The following KATNIP variants were observed in gnomAD, a reference collection of about 807,000 sequenced individuals.
KATNIP encodes the protein katanin interacting protein, also known as katanin-interacting protein.
A neutral mutation model predicts 174.0 loss-of-function variants in KATNIP; 126 were observed. That is an observed-to-expected ratio of 0.72 (90% confidence interval 0.63 to 0.84). The LOEUF is 0.84. KATNIP is among the 40% of genes least tolerant of loss of function. The pLI is 0.00. For missense variants in KATNIP, 1,958 were observed against 2,109.7 expected (o/e 0.93, Z 1.41); for synonymous variants, 810 against 835.7 (o/e 0.97, Z 0.53).
At chr16:27,643,575 AGT>A (rs1221424120) in intron 5 of KATNIP, among the ~76,000 whole-genome samples, 1 of 111,774 alleles carries the variant, frequency 8.9e-6, no homozygotes, top group Non-Finnish European at 1.7e-5. Context: ...TGGGTAACAG[AGT>A]GAGACTCTGT....
chr16:27,641,954 C>T lies in KATNIP; in HGVS notation c.409-6650C>T, dbSNP rs74019405. ...CTCCTCAGGCCTGGGCCCCGTGCCC[C>T]GTGGTCCCTCCTCCTTGCCCCTTCT... On this transcript the variant is annotated intron_variant, in intron 5 of 27. Transcript: ENST00000261588. Among the ~76,000 whole-genome samples the T allele has an allele frequency of 2.5e-3, 386 of 152,348 alleles. 2 individuals are homozygous for T. Among genetic ancestry groups the T allele is most frequent in the African/African-American group, 8.8e-3 (366 of 41,568 alleles).
At chr16:27,691,999 CCA>C (rs1239473701) in intron 8 of KATNIP, among the ~76,000 whole-genome samples, 1 of 152,152 alleles carries the variant, frequency 6.6e-6, no homozygotes, top group Non-Finnish European at 1.5e-5. Context: ...CATCCCAGCC[CCA>C]GACTGATGAG....
chr16:27,777,360 GTGCTAA>G lies in KATNIP; in HGVS notation c.4552-247_4552-242del, dbSNP rs2082535364. On this transcript the variant is annotated intron_variant, in intron 25 of 27. Transcript: ENST00000261588. This position sits in a 1 kb window ranked among gnomAD's most constrained non-coding sequence, Gnocchi z 4.4. ...AAGTTTGCCTCCAGCTCTGCCACTT[GTGCTAA>G]TGGTATTAAAGCCCCTCGGGCCTCA... 1.3e-5 allele frequency among the ~76,000 whole-genome samples: 2 copies of G among 152,200 alleles called. No individual in the cohort carries two copies. The highest frequency in any genetic ancestry group is 4.1e-4 in the South Asian group (2 of 4,828).
Position 27,693,415 on chromosome 16 carries a change from G to A in KATNIP, c.941-4913G>A, listed in dbSNP as rs1293654896. 2.0e-5 allele frequency among the ~76,000 whole-genome samples: 3 copies of A among 152,040 alleles called. No homozygotes were observed. The East Asian group carries it at 5.8e-4, about 29-fold the overall frequency. On this transcript the variant is annotated intron_variant, in intron 8 of 27. Transcript: ENST00000261588. ...TTCTTTTCTTTTTTTTTGAGATGGA[G>A]TCTCGCTCTGTGGCCCAGGCTGGAG...
chr16:27,724,728 A>G (rs2080378171), intron 14 of KATNIP, among the ~76,000 whole-genome samples: 1 of 152,212 alleles, frequency 6.6e-6, no homozygotes, highest in African/African-American at 2.4e-5. Flanking sequence ...TTGATTTAAT[A>G]TTCTCCAGAG....
At chr16:27,693,250 G>C (rs1345700815) in intron 8 of KATNIP, among the ~76,000 whole-genome samples, 1 of 152,160 alleles carries the variant, frequency 6.6e-6, no homozygotes, top group African/African-American at 2.4e-5. Context: ...AGATGAGAAG[G>C]GCAAAGCAGC....
intron 9 of KATNIP, among the ~76,000 whole-genome samples, chr16:27,698,923 CCACT>C (rs2079006219): frequency 6.6e-6 from 1 of 152,154 alleles, no homozygotes. Context: ...TGCCCCTGGC[CCACT>C]TCACTTGTTC....
Position 27,719,429 on chromosome 16 carries a change from G to T in KATNIP, c.1606-2129G>T, listed in dbSNP as rs529936822. On this transcript the variant is annotated intron_variant, in intron 13 of 27. Coordinates refer to ENST00000261588, the MANE Select transcript of KATNIP (RefSeq NM_015202.5). ...ACTTCATCACCCAGGCTGGAGTGCA[G>T]TGGTGCCATCTTGGCTCACTGCAGC... 1.1e-3 allele frequency among the ~76,000 whole-genome samples: 169 copies of T among 152,270 alleles called. 2 individuals carry two copies. Among genetic ancestry groups the T allele is most frequent in the African/African-American group, 3.9e-3 (164 of 41,548 alleles).
intron 2 of KATNIP, among the ~76,000 whole-genome samples, chr16:27,577,169 TTTAAATCCACATTTAAAATGG>T (rs1337010897): frequency 1.3e-5 from 2 of 152,222 alleles, no homozygotes; most frequent in African/African-American, 2.4e-5. Context: ...TTTTAAAATG[TTTAAATCCACATTTAAAATGG>T]TTAAATCCAC....
intron 10 of KATNIP, among the ~76,000 whole-genome samples, chr16:27,701,069 C>T (rs2079081300): frequency 6.6e-6 from 1 of 152,120 alleles, no homozygotes; most frequent in Non-Finnish European, 1.5e-5. Flanking sequence ...AATGAAAGGG[C>T]CTAATGCTGT....
chr16:27,566,392 C>T (rs1275951824), intron 1 of KATNIP, among the ~76,000 whole-genome samples: 6 of 152,194 alleles, frequency 3.9e-5, no homozygotes, highest in South Asian at 4.2e-4. Flanking sequence ...AAAAATACAC[C>T]GGGCGTGGTG....
At chr16:27,643,128 C>G (rs2076852949) in intron 5 of KATNIP, 1 of 152,218 alleles carries the variant, frequency 6.6e-6, no homozygotes, top group Non-Finnish European at 1.5e-5. Flanking sequence ...CTAACAGAGA[C>G]CATATAGCTT....
chr16:27,598,588 G>C (rs1398939611), intron 2 of KATNIP, among the ~76,000 whole-genome samples: 2 of 152,158 alleles, frequency 1.3e-5, no homozygotes, highest in Admixed American at 1.3e-4. Context: ...TTCGGGTCTG[G>C]CCTGTTTGAA....
chr16:27,629,698 G>A (rs912804374), intron 4 of KATNIP, among the ~76,000 whole-genome samples: 1 of 152,212 alleles, frequency 6.6e-6, no homozygotes, highest in African/African-American at 2.4e-5. Context: ...TAGTCTCTCT[G>A]TGCCTTTGTT....
chr16:27,748,645 C>T (rs2143743553), intron 15 of KATNIP, among the ~76,000 whole-genome samples: 1 of 149,846 alleles, frequency 6.7e-6, no homozygotes, highest in East Asian at 2.0e-4. Context: ...ACAGGCTGGG[C>T]CCAGTGGTCA....
At chr16:27,689,121 G>A (rs1398795405) in intron 8 of KATNIP, among the ~76,000 whole-genome samples, 5 of 152,226 alleles carry the variant, frequency 3.3e-5, no homozygotes. Flanking sequence ...ATATAAAAAT[G>A]AACCACATAG....
At chr16:27,557,784 A>G (rs2089690802) in intron 1 of KATNIP, among the ~76,000 whole-genome samples, 2 of 152,198 alleles carry the variant, frequency 1.3e-5, no homozygotes, top group South Asian at 4.1e-4. Flanking sequence ...GCCCACATGC[A>G]TGTTTATTTG....
At chr16:27,561,991 A>G (rs1340382999) in intron 1 of KATNIP, among the ~76,000 whole-genome samples, 1 of 152,200 alleles carries the variant, frequency 6.6e-6, no homozygotes, top group Non-Finnish European at 1.5e-5. Context: ...ATACCCAAGA[A>G]TATTCTTCAG....
At chr16:27,778,546 C>A (rs755199709) in intron 27 of KATNIP, 28 bp from the exon 28 acceptor site, 1 of 1,611,664 alleles carries the variant, frequency 6.2e-7, no homozygotes, top group Non-Finnish European at 8.5e-7. Context: ...CTTAGTAACT[C>A]TGGTCCCTCT....
Sources: allele counts gnomAD v4.1 joint callset (sites outside exome capture counted in the v4.1 genomes callset), GRCh38; gene constraint gnomAD v4.1.1; non-coding constraint Gnocchi (gnomAD v3.1); transcripts MANE v1.5; gene names NCBI Gene and HGNC (gene_info 2026-07-23, HGNC 2026-07-21).